The following UGGT2 variants were observed in gnomAD, a reference collection of about 807,000 sequenced individuals.
UGGT2 encodes the protein UDP-glucose glycoprotein glucosyltransferase 2, also known as UDP-glucose:glycoprotein glucosyltransferase 2.
Under a neutral mutation model 192.1 loss-of-function variants are expected in UGGT2, and 180 were observed. That is an observed-to-expected ratio of 0.94 (90% confidence interval 0.83 to 1.06). The LOEUF (loss-of-function observed/expected upper bound fraction) is 1.06, where lower values mean the gene tolerates loss of function less well. UGGT2 is among the 50% of genes least tolerant of loss of function. The pLI is 0.00. For synonymous variants in UGGT2, 580 were observed against 591.0 expected (o/e 0.98, Z 0.27); for missense variants, 1,849 against 1,795.7 (o/e 1.03, Z -0.54).
chr13:95,854,190 C>T, intron 35 of UGGT2, 125 bp downstream of exon 35: 2 of 964,338 alleles, frequency 2.1e-6, no homozygotes, highest in Non-Finnish European at 3.0e-6. Flanking sequence ...ATGAAATGAA[C>T]ACTATGTAAT....
intron 20 of UGGT2, among the ~76,000 whole-genome samples, chr13:95,903,325 CA>C (rs146217795): frequency 0.054 from 8,160 of 152,128 alleles, 347 homozygotes; most frequent in East Asian, 0.14. Context: ...TGAAATAACA[CA>C]AATAAAAAAT....
chr13:95,857,111 C>T (rs997352213), intron 33 of UGGT2, among the ~76,000 whole-genome samples: 2 of 151,952 alleles, frequency 1.3e-5, no homozygotes, highest in African/African-American at 4.8e-5. Flanking sequence ...TTTTCTCTGA[C>T]TTTGTAAGAA....
At chr13:95,993,747 C>G (rs983390167) in intron 7 of UGGT2, among the ~76,000 whole-genome samples, 2 of 152,108 alleles carry the variant, frequency 1.3e-5, no homozygotes, top group Non-Finnish European at 2.9e-5. Flanking sequence ...CCAGGAGAAC[C>G]ACCCTGAGAG....
intron 1 of UGGT2, among the ~76,000 whole-genome samples, chr13:96,052,818 C>T (rs568796317): frequency 2.6e-5 from 4 of 152,344 alleles, no homozygotes; most frequent in African/African-American, 7.2e-5. Flanking sequence ...ACTTTAAGCA[C>T]TGTCTGAACA....
chr13:96,016,326 C>A (rs1010056523), intron 4 of UGGT2, among the ~76,000 whole-genome samples: 1 of 152,186 alleles, frequency 6.6e-6, no homozygotes, highest in African/African-American at 2.4e-5. Flanking sequence ...CAGGAGCTGA[C>A]AGCCAAGACA....
intron 17 of UGGT2, among the ~76,000 whole-genome samples, chr13:95,929,204 A>G (rs1275987145): frequency 6.6e-6 from 1 of 152,140 alleles, no homozygotes; most frequent in Admixed American, 6.5e-5. Flanking sequence ...GGGAGAATAC[A>G]TTTCCTTGTA....
chr13:95,903,120 T>C, intron 20 of UGGT2, 60 bp from the exon 21 acceptor site: 3 of 1,500,322 alleles, frequency 2.0e-6, no homozygotes, highest in South Asian at 2.5e-5. Flanking sequence ...TACAGGTGAA[T>C]ATATTTTCTT....
At chr13:95,904,630 A>C (rs553940975) in intron 20 of UGGT2, among the ~76,000 whole-genome samples, 3 of 152,004 alleles carry the variant, frequency 2.0e-5, no homozygotes, top group East Asian at 1.9e-4. Flanking sequence ...TGAACTCATC[A>C]TTTTTTATGG....
chr13:95,826,338 T>C (rs568996268), intron 38 of UGGT2, among the ~76,000 whole-genome samples: 2 of 152,152 alleles, frequency 1.3e-5, no homozygotes, highest in South Asian at 4.1e-4. Flanking sequence ...TAACACCGTA[T>C]TAGATGTATA....
chr13:95,947,911 G>T, intron 14 of UGGT2, 85 bp downstream of exon 14: 2 of 1,087,960 alleles, frequency 1.8e-6, no homozygotes, highest in Non-Finnish European at 2.7e-6. Context: ...CGCTTTGAAT[G>T]CCCTATTAAT....
chr13:95,943,252 C>T (rs577132974), intron 15 of UGGT2, among the ~76,000 whole-genome samples: 5 of 151,878 alleles, frequency 3.3e-5, no homozygotes, highest in Non-Finnish European at 5.9e-5. Context: ...CCACTTTGGT[C>T]GGAAATGCAA....
chr13:96,011,489 A>G (rs533257707), intron 5 of UGGT2, among the ~76,000 whole-genome samples: 3 of 152,240 alleles, frequency 2.0e-5, no homozygotes, highest in South Asian at 4.1e-4. Flanking sequence ...CTGTGTACCT[A>G]GAACAGCTAT....
chr13:95,859,480 A>AT lies in UGGT2; in HGVS notation c.3825+110dup, dbSNP rs549453279. 285 of 900,338 alleles carry AT rather than the reference A, an allele frequency of 3.2e-4. 5 individuals are homozygous for AT. In the East Asian group the frequency reaches 6.8e-3, roughly 22 times the overall value. 55.8% of individuals were successfully genotyped at this position (900,338 alleles called of 1,614,324 possible). On this transcript the variant is annotated intron_variant, in intron 33 of 38. Transcript: ENST00000376747. Reference sequence around the variant, plus strand: ...AAGCTACATAAAAATACTAAATACCATTTTTTCAAAAAGCTTATTCTGAAA... The same window carrying AT: ...AAGCTACATAAAAATACTAAATACCATTTTTTTCAAAAAGCTTATTCTGAAA...
chr13:95,880,861 T>C (rs2047471965), intron 27 of UGGT2, among the ~76,000 whole-genome samples: 2 of 147,242 alleles, frequency 1.4e-5, no homozygotes, highest in Non-Finnish European at 2.9e-5. Context: ...ACTCTTATCA[T>C]AGGTAGGTAT....
Position 95,855,608 on chromosome 13 carries a change from T to G in UGGT2, c.4008+550A>C, listed in dbSNP as rs1422931165. Among the ~76,000 whole-genome samples, 3 of 151,608 alleles carry G rather than the reference T, an allele frequency of 2.0e-5. No individual in the cohort carries two copies. The South Asian group carries it at 6.3e-4, about 32-fold the overall frequency. ...CATGATTATATCTCACTGTGACTTC[T>G]AACTCCTGGGCTCAAACTTTCCTCC... On this transcript the variant is annotated intron_variant, in intron 34 of 38. Transcript: ENST00000376747.
intron 1 of UGGT2, among the ~76,000 whole-genome samples, chr13:96,050,174 C>T (rs1166487463): frequency 4.6e-5 from 7 of 152,136 alleles, no homozygotes; most frequent in Non-Finnish European, 7.3e-5. Context: ...GAAATAATAC[C>T]ACACATCTAC....
intron 38 of UGGT2, among the ~76,000 whole-genome samples, chr13:95,809,929 C>T (rs1884497587): frequency 6.6e-6 from 1 of 152,232 alleles, no homozygotes; most frequent in Middle Eastern, 3.4e-3. Flanking sequence ...ATCCTGCACC[C>T]ACATAAAAGC....
At chr13:95,833,687 G>C (rs567205334) in intron 37 of UGGT2, among the ~76,000 whole-genome samples, 2 of 152,158 alleles carry the variant, frequency 1.3e-5, no homozygotes, top group Non-Finnish European at 2.9e-5. Context: ...TGAAGGTACA[G>C]CTGAAAGGAT....
chr13:95,910,259 A>C (rs962524918), intron 20 of UGGT2, among the ~76,000 whole-genome samples: 1 of 152,222 alleles, frequency 6.6e-6, no homozygotes, highest in African/African-American at 2.4e-5. Flanking sequence ...CTGAAATTTA[A>C]ATGGGCTAAA....
Sources: allele counts gnomAD v4.1 joint callset (sites outside exome capture counted in the v4.1 genomes callset), GRCh38; gene constraint gnomAD v4.1.1; transcripts MANE v1.5; gene names NCBI Gene and HGNC (gene_info 2026-07-23, HGNC 2026-07-21).